Variants in DTNB observed in about 807,000 individuals in gnomAD.
The protein encoded by DTNB is DTN-B.
A neutral mutation model predicts 90.7 loss-of-function variants in DTNB; 63 were observed. The ratio of observed to expected loss-of-function variants is 0.69; its 90% CI spans 0.57 to 0.86. The LOEUF is 0.86. Ranked by LOEUF, DTNB falls within the 40% of genes least tolerant of loss-of-function variation. The pLI is 0.00. For synonymous variants in DTNB, 277 were observed against 286.7 expected (o/e 0.97, Z 0.34); for missense variants, 744 against 807.1 (o/e 0.92, Z 0.95).
At chr2:25,531,375 G>T in intron 9 of DTNB, 98 bp downstream of exon 9, 6 of 1,491,116 alleles carry the variant, frequency 4.0e-6, no homozygotes, top group Non-Finnish European at 5.3e-6. Flanking sequence ...CTGAGAAGTT[G>T]AATGGTCATG....
At chr2:25,594,838 C>T (rs1428527148) in intron 6 of DTNB, 6 of 152,166 alleles carry the variant, frequency 3.9e-5, no homozygotes, top group Admixed American at 1.3e-4. Flanking sequence ...TAAATAATTA[C>T]GTACAAATAT....
In DTNB at chr2:25,379,292, G is replaced by A; in HGVS notation, c.*27C>T. The A allele has an allele frequency of 7.5e-7, 1 of 1,326,956 alleles. No individual in the cohort carries two copies. Among genetic ancestry groups the A allele is most frequent in the Non-Finnish European group, 9.7e-7 (1 of 1,029,282 alleles). The allele number at this position is 1,326,956 out of a possible 1,614,324, so 82.2% of individuals were successfully genotyped here. On this transcript the variant is annotated splice_region_variant and 3_prime_UTR_variant, in exon 20 of 21. Coordinates refer to ENST00000406818, the MANE Select transcript of DTNB (RefSeq NM_021907.5). ...GGCAGAGGACTCTTTGTACTCACCT[G>A]AGCTTCCTCTGTGTCCGGCTCCTCT...
chr2:25,414,904 T>G (rs1160665677), intron 16 of DTNB, among the ~76,000 whole-genome samples: 1 of 152,132 alleles, frequency 6.6e-6, no homozygotes, highest in Non-Finnish European at 1.5e-5. Context: ...CCTGTTAAAC[T>G]GCAGGGTAAA....
chr2:25,614,211 C>T lies in DTNB; in HGVS notation c.363-6890G>A, dbSNP rs563480848. Among the ~76,000 whole-genome samples the T allele has an allele frequency of 3.9e-4, 60 of 152,286 alleles. 1 individual carries two copies. The South Asian group carries it at 0.011, about 27-fold the overall frequency. On this transcript the variant is annotated intron_variant, in intron 4 of 20. Coordinates refer to ENST00000406818, the MANE Select transcript of DTNB (RefSeq NM_021907.5). ...GACAATGGGCATCTTTAAAAATAAT[C>T]ATGGTGACCATCATACTCAGTGAAG...
chr2:25,570,869 G>A (rs2059764369), intron 8 of DTNB, among the ~76,000 whole-genome samples: 1 of 152,016 alleles, frequency 6.6e-6, no homozygotes. Context: ...TTAAATATAC[G>A]CCATTGACTC....
intron 6 of DTNB, among the ~76,000 whole-genome samples, chr2:25,584,063 T>C (rs997677950): frequency 2.6e-5 from 4 of 152,230 alleles, no homozygotes; most frequent in Non-Finnish European, 5.9e-5. Context: ...TTTTCTCATC[T>C]TTCAAGGGCT....
chr2:25,655,722 G>C (rs1215023020), intron 1 of DTNB, among the ~76,000 whole-genome samples: 4 of 152,170 alleles, frequency 2.6e-5, no homozygotes, highest in Non-Finnish European at 5.9e-5. Flanking sequence ...TAAGGAAGGA[G>C]TCAAAAGAGA....
At chr2:25,510,307 T>A (rs996318830) in intron 9 of DTNB, among the ~76,000 whole-genome samples, 1 of 152,140 alleles carries the variant, frequency 6.6e-6, no homozygotes, top group East Asian at 1.9e-4. Context: ...TCTCCATACT[T>A]TATACTTTTA....
At chr2:25,527,499 G>A (rs1472804020) in intron 9 of DTNB, among the ~76,000 whole-genome samples, 4 of 151,090 alleles carry the variant, frequency 2.6e-5, no homozygotes, top group East Asian at 1.9e-4. Flanking sequence ...CCAGCCTGGC[G>A]ACAGACTGAG....
intron 8 of DTNB, among the ~76,000 whole-genome samples, chr2:25,533,390 A>T (rs944972439): frequency 1.3e-5 from 2 of 152,210 alleles, no homozygotes; most frequent in Non-Finnish European, 2.9e-5. Flanking sequence ...CTGAAAGTAT[A>T]TAAAACGAAA....
chr2:25,662,343 C>T (rs957785515), intron 1 of DTNB, among the ~76,000 whole-genome samples: 4 of 151,968 alleles, frequency 2.6e-5, no homozygotes, highest in South Asian at 2.1e-4. Context: ...TATAGTCAAT[C>T]GCACAACAGA....
intron 8 of DTNB, among the ~76,000 whole-genome samples, chr2:25,552,837 T>A (rs1406392805): frequency 6.8e-6 from 1 of 147,752 alleles, no homozygotes; most frequent in African/African-American, 2.5e-5. Context: ...AATTTCTCTT[T>A]TTGATTTTTT....
intron 8 of DTNB, among the ~76,000 whole-genome samples, chr2:25,536,383 G>A (rs1240739699): frequency 6.6e-6 from 1 of 152,204 alleles, no homozygotes; most frequent in Non-Finnish European, 1.5e-5. Flanking sequence ...AGCGAGCCGA[G>A]ATCACGCCAC....
intron 8 of DTNB, among the ~76,000 whole-genome samples, chr2:25,554,819 C>T (rs1451017069): frequency 6.6e-6 from 1 of 152,084 alleles, no homozygotes; most frequent in African/African-American, 2.4e-5. Context: ...AGTTTAAAAA[C>T]ATGAGATACA....
chr2:25,515,090 T>C (rs2074800582), intron 9 of DTNB, among the ~76,000 whole-genome samples: 1 of 152,126 alleles, frequency 6.6e-6, no homozygotes, highest in African/African-American at 2.4e-5. Flanking sequence ...TGCTAAGGAT[T>C]TGTTATACAT....
intron 16 of DTNB, among the ~76,000 whole-genome samples, chr2:25,415,369 C>G (rs1281732823): frequency 1.3e-5 from 2 of 151,776 alleles, no homozygotes; most frequent in Non-Finnish European, 2.9e-5. Flanking sequence ...GCCTCAGCCT[C>G]CCGAGTAGCT....
chr2:25,397,928 T>G (rs1018024101), intron 16 of DTNB, among the ~76,000 whole-genome samples: 1 of 148,780 alleles, frequency 6.7e-6, no homozygotes. Flanking sequence ...GCTAACACAC[T>G]TCACTGTAAG....
chr2:25,502,487 C>T (rs1280401410), intron 9 of DTNB, among the ~76,000 whole-genome samples: 3 of 152,084 alleles, frequency 2.0e-5, no homozygotes, highest in Non-Finnish European at 2.9e-5. Flanking sequence ...AATCCTAACA[C>T]TTTGGTAGGC....
intron 4 of DTNB, among the ~76,000 whole-genome samples, chr2:25,614,843 T>C (rs1171787301): frequency 6.6e-6 from 1 of 152,192 alleles, no homozygotes; most frequent in Non-Finnish European, 1.5e-5. Context: ...TCGGGAGTTA[T>C]TTCCCCACAC....
Sources: allele counts gnomAD v4.1 joint callset (sites outside exome capture counted in the v4.1 genomes callset), GRCh38; gene constraint gnomAD v4.1.1; transcripts MANE v1.5; gene names NCBI Gene and HGNC (gene_info 2026-07-23, HGNC 2026-07-21).